Variants in IFT56 observed in about 807,000 individuals in gnomAD.
IFT56 encodes intraflagellar transport protein 56.
the IFT56 span, chr7:139,146,903 A>T: frequency 1.9e-6 from 2 of 1,042,050 alleles, no homozygotes; most frequent in Non-Finnish European, 2.7e-6. Flanking sequence ...AGGGTCAAAT[A>T]GTATTAACTG....
At chr7:139,179,497 C>A in the IFT56 span, 2 of 1,227,654 alleles carry the variant, frequency 1.6e-6, no homozygotes, top group Non-Finnish European at 1.2e-6. Context: ...GATCATCAAT[C>A]TAAGGCAAGC....
At chr7:139,135,018 T>C in the IFT56 span, among the ~76,000 whole-genome samples, 5 of 152,130 alleles carry the variant, frequency 3.3e-5, no homozygotes, top group African/African-American at 1.2e-4. Flanking sequence ...CGGTGGCTCA[T>C]GCCTGTAATT....
At chr7:139,191,587 A>G in the IFT56 span, 4 of 152,228 alleles carry the variant, frequency 2.6e-5, no homozygotes, top group Non-Finnish European at 4.4e-5. Flanking sequence ...TCTTTTGGGA[A>G]AAAAAAGCAG....
At chr7:139,140,775 CAAAAAA>C in the IFT56 span, among the ~76,000 whole-genome samples, 40 of 74,892 alleles carry the variant, frequency 5.3e-4, no homozygotes, top group East Asian at 1.7e-3. Context: ...AACTCCACCT[CAAAAAA>C]AAAAAAAAAA....
chr7:139,162,123 A>T, the IFT56 span, among the ~76,000 whole-genome samples: 1 of 152,218 alleles, frequency 6.6e-6, no homozygotes, highest in East Asian at 1.9e-4. Flanking sequence ...GACAGGAAGA[A>T]GGAGTATCAA....
At chr7:139,186,003 A>C in the IFT56 span, among the ~76,000 whole-genome samples, 1 of 152,192 alleles carries the variant, frequency 6.6e-6, no homozygotes, top group South Asian at 2.1e-4. Flanking sequence ...GGCTGTCTTA[A>C]GGAAATTGTC....
chr7:139,152,332 G>C, the IFT56 span, among the ~76,000 whole-genome samples: 13 of 152,154 alleles, frequency 8.5e-5, no homozygotes, highest in Non-Finnish European at 1.6e-4. Flanking sequence ...TTGCTATGTT[G>C]CCCAGGCTGG....
At chr7:139,169,446 A>G in the IFT56 span, 1,476 of 1,122,352 alleles carry the variant, frequency 1.3e-3, no homozygotes, top group Non-Finnish European at 1.8e-3. Context: ...GGATGTATCT[A>G]TTAGGCTTCA....
chr7:139,178,644 C>T, the IFT56 span: 4 of 1,514,614 alleles, frequency 2.6e-6, no homozygotes, highest in South Asian at 1.1e-5. Flanking sequence ...TATCTAAAAA[C>T]ATCCTTATCT....
At chr7:139,147,094 A>G in the IFT56 span, 2 of 1,605,578 alleles carry the variant, frequency 1.2e-6, no homozygotes, top group East Asian at 4.5e-5. Flanking sequence ...TGATTTCTCT[A>G]ACAACACTAA....
the IFT56 span, among the ~76,000 whole-genome samples, chr7:139,182,310 C>T: frequency 1.3e-5 from 2 of 151,464 alleles, no homozygotes; most frequent in Non-Finnish European, 2.9e-5. Flanking sequence ...CAAAGTGAAT[C>T]GTTACCAAAA....
chr7:139,153,570 A>G, the IFT56 span, among the ~76,000 whole-genome samples: 4 of 152,098 alleles, frequency 2.6e-5, no homozygotes, highest in African/African-American at 9.7e-5. Flanking sequence ...TCATATATAT[A>G]TGGAATCATA....
chr7:139,186,469 ACTAAT>A, the IFT56 span, among the ~76,000 whole-genome samples: 3 of 152,146 alleles, frequency 2.0e-5, no homozygotes, highest in African/African-American at 7.2e-5. Context: ...ATAAAAGAAA[ACTAAT>A]CTAAGCAAAA....
chr7:139,140,057 G>T, the IFT56 span: 1 of 1,247,104 alleles, frequency 8.0e-7, no homozygotes, highest in Non-Finnish European at 1.1e-6. Flanking sequence ...GAGTTGTTTT[G>T]AAGATTTTAA....
chr7:139,167,947 A>G, the IFT56 span, among the ~76,000 whole-genome samples: 3 of 152,076 alleles, frequency 2.0e-5, no homozygotes, highest in Non-Finnish European at 2.9e-5. Flanking sequence ...TCTCAAAAAA[A>G]AAAAAAAATT....
chr7:139,178,334 T>C, the IFT56 span: 12 of 1,559,770 alleles, frequency 7.7e-6, no homozygotes, highest in Non-Finnish European at 9.7e-6. Flanking sequence ...AGACTTTATA[T>C]ACAAAATACT....
chr7:139,182,854 G>T, the IFT56 span, among the ~76,000 whole-genome samples: 1 of 152,156 alleles, frequency 6.6e-6, no homozygotes, highest in Non-Finnish European at 1.5e-5. Flanking sequence ...AAAAACCAAG[G>T]CAGGAGAGTG....
the IFT56 span, among the ~76,000 whole-genome samples, chr7:139,163,878 G>T: frequency 6.6e-6 from 1 of 152,188 alleles, no homozygotes; most frequent in East Asian, 1.9e-4. Flanking sequence ...TTTCGGGGTC[G>T]AGAGAAGAGA....
chr7:139,155,425 A>C, the IFT56 span, among the ~76,000 whole-genome samples: 1 of 152,084 alleles, frequency 6.6e-6, no homozygotes, highest in East Asian at 1.9e-4. Context: ...CACTGTTAAG[A>C]ATGATGTTTG....
Sources: allele counts gnomAD v4.1 joint callset (sites outside exome capture counted in the v4.1 genomes callset), GRCh38; gene constraint gnomAD v4.1.1; transcripts MANE v1.5; gene names NCBI Gene and HGNC (gene_info 2026-07-23, HGNC 2026-07-21).